Variants in GRIK1 observed in about 807,000 individuals in gnomAD.
GRIK1 encodes glutamate ionotropic receptor kainate type subunit 1.
Under a neutral mutation model 105.7 loss-of-function variants are expected in GRIK1, and 69 were observed. That is an observed-to-expected ratio of 0.65 (90% CI 0.54 to 0.80). The LOEUF (loss-of-function observed/expected upper bound fraction) is 0.80, where lower values mean the gene tolerates loss of function less well. Ranked by LOEUF, GRIK1 falls within the 30% of genes least tolerant of loss-of-function variation. GRIK1 has a pLI of 0.00. For synonymous variants in GRIK1, 438 were observed against 431.3 expected, an observed-to-expected ratio of 1.02 and a Z score of -0.19; for missense variants, 1,109 against 1,167.3, an observed-to-expected ratio of 0.95 and a Z score of 0.73.
chr21:29,758,610 G>A (rs56303531), intron 1 of GRIK1, among the ~76,000 whole-genome samples: 6,447 of 152,200 alleles, frequency 0.042, 197 homozygotes, highest in Non-Finnish European at 0.066. Flanking sequence ...AACAAAATAA[G>A]GTCAAGTCAT....
intron 1 of GRIK1, among the ~76,000 whole-genome samples, chr21:29,728,755 G>A (rs558743090): frequency 9.2e-5 from 14 of 152,282 alleles, no homozygotes; most frequent in Non-Finnish European, 1.8e-4. Context: ...TCATAGAGCT[G>A]TAGTCTAGCA....
intron 14 of GRIK1, among the ~76,000 whole-genome samples, chr21:29,575,100 CTAGA>C (rs1352312188): frequency 2.0e-5 from 3 of 152,120 alleles, no homozygotes; most frequent in Non-Finnish European, 4.4e-5. Flanking sequence ...TGATAAAACT[CTAGA>C]TATAGTTAAC....
At chr21:29,788,355 C>G (rs2066318430) in intron 1 of GRIK1, among the ~76,000 whole-genome samples, 1 of 152,150 alleles carries the variant, frequency 6.6e-6, no homozygotes, top group South Asian at 2.1e-4. Context: ...AGAAAGCATT[C>G]AGGCAGAGGA....
intron 15 of GRIK1, among the ~76,000 whole-genome samples, chr21:29,560,302 T>TCTTTC (rs1568812377): frequency 5.7e-5 from 6 of 105,238 alleles, no homozygotes; most frequent in African/African-American, 2.2e-4. Context: ...TTTCTTTCTT[T>TCTTTC]CTTTCTTTCT....
intron 6 of GRIK1, among the ~76,000 whole-genome samples, chr21:29,644,812 T>C (rs568152014): frequency 1.8e-4 from 27 of 152,364 alleles, no homozygotes; most frequent in African/African-American, 6.3e-4. Flanking sequence ...GGAAATGCAG[T>C]CAACAGCAAT....
intron 1 of GRIK1, among the ~76,000 whole-genome samples, chr21:29,795,027 A>ATTTTTTTTTTTT (rs1569102231): frequency 1.2e-5 from 1 of 82,152 alleles, no homozygotes; most frequent in Non-Finnish European, 2.4e-5. Flanking sequence ...CTTTGCTCTA[A>ATTTTTTTTTTTT]ATTTTTTTTT....
chr21:29,641,215 G>A lies in GRIK1; in HGVS notation c.1098+1611C>T, dbSNP rs112306364. On this transcript the variant is annotated intron_variant, in intron 7 of 17. Transcript: ENST00000327783. ...TGTGTCCCCACCCAAATCTCATCTC[G>A]AATTGTAGCTCCCACAATTCCCATG... Among the ~76,000 whole-genome samples the A allele has an allele frequency of 1.9e-3, 294 of 152,232 alleles. 2 individuals are homozygous for A. Among genetic ancestry groups the A allele is most frequent in the African/African-American group, 6.6e-3 (275 of 41,528 alleles).
At chr21:29,880,283 T>C (rs1449034046) in intron 1 of GRIK1, among the ~76,000 whole-genome samples, 1 of 152,142 alleles carries the variant, frequency 6.6e-6, no homozygotes, top group African/African-American at 2.4e-5. Flanking sequence ...TAGAAAAATC[T>C]TTACCAACTC....
At chr21:29,741,402 G>C (rs2064923582) in intron 1 of GRIK1, among the ~76,000 whole-genome samples, 1 of 151,988 alleles carries the variant, frequency 6.6e-6, no homozygotes, top group Non-Finnish European at 1.5e-5. Context: ...TTTTAAAAGG[G>C]AACAAACTGT....
At chr21:29,565,706 T>C (rs1290029256) in intron 14 of GRIK1, among the ~76,000 whole-genome samples, 1 of 152,234 alleles carries the variant, frequency 6.6e-6, no homozygotes, top group Non-Finnish European at 1.5e-5. Context: ...AGTGCTGGGA[T>C]TATAGGCATG....
At position 29,560,468 on chromosome 21, in the gene GRIK1, C is replaced by G. The variant is rs192400035; in HGVS notation, c.2356+1156G>C. Among the ~76,000 whole-genome samples the G allele has an allele frequency of 1.4e-4, 16 of 117,634 alleles. 2 individuals are homozygous for G. The East Asian group carries it at 3.5e-3, about 25-fold the overall frequency. The allele number at this position is 117,634 out of a possible 152,430, so 77.2% of individuals were successfully genotyped here. A position where few individuals can be genotyped will look rare whatever the true frequency, so the allele number is the denominator to read the frequency against. On this transcript the variant is annotated intron_variant, in intron 15 of 17. Transcript: ENST00000327783. ...CTTTCTCCCTTTCTTTCCTTCCTTTCCTTTCTCTCTCTCCCTTTCTTTCTT... is the reference window on the plus strand; with the variant it reads ...CTTTCTCCCTTTCTTTCCTTCCTTTGCTTTCTCTCTCTCCCTTTCTTTCTT...
chr21:29,610,344 C>G (rs1271217513), intron 7 of GRIK1, among the ~76,000 whole-genome samples: 3 of 152,034 alleles, frequency 2.0e-5, no homozygotes, highest in Admixed American at 2.0e-4. Flanking sequence ...AGTTAAGGAT[C>G]TTAAAGTGGG....
chr21:29,761,484 C>T (rs896616283), intron 1 of GRIK1: 4 of 151,646 alleles, frequency 2.6e-5, no homozygotes, highest in East Asian at 3.9e-4. Flanking sequence ...AAGAAAAGAT[C>T]GAATATTACT....
intron 7 of GRIK1, among the ~76,000 whole-genome samples, 173 bp from the exon 8 acceptor site, chr21:29,599,110 T>C (rs528781809): frequency 1.3e-5 from 2 of 152,374 alleles, no homozygotes; most frequent in South Asian, 2.1e-4. Flanking sequence ...ATCGTCTTTT[T>C]ATTAGCACTC....
intron 1 of GRIK1, among the ~76,000 whole-genome samples, chr21:29,858,189 G>C (rs578149485): frequency 6.6e-6 from 1 of 152,136 alleles, no homozygotes; most frequent in African/African-American, 2.4e-5. Context: ...ATGAGCCACT[G>C]TGCCTGGCCT....
chr21:29,788,560 A>G (rs745385166), intron 1 of GRIK1, among the ~76,000 whole-genome samples: 5 of 152,202 alleles, frequency 3.3e-5, no homozygotes, highest in African/African-American at 1.2e-4. Flanking sequence ...TAATTTTTGC[A>G]TGGACCAAGG....
At chr21:29,734,388 T>C (rs2064723270) in intron 1 of GRIK1, among the ~76,000 whole-genome samples, 1 of 94,900 alleles carries the variant, frequency 1.1e-5, no homozygotes, top group Non-Finnish European at 2.3e-5. Flanking sequence ...TTTCTTTTCT[T>C]TTCTTTTCTT....
chr21:29,856,420 A>G (rs2068466576), intron 1 of GRIK1, among the ~76,000 whole-genome samples: 1 of 152,232 alleles, frequency 6.6e-6, no homozygotes, highest in South Asian at 2.1e-4. Flanking sequence ...TGATAATTAC[A>G]AAGTCTCTCA....
intron 1 of GRIK1, among the ~76,000 whole-genome samples, chr21:29,776,721 C>G (rs1048842470): frequency 6.6e-6 from 1 of 152,154 alleles, no homozygotes; most frequent in Non-Finnish European, 1.5e-5. Context: ...ATGACCTAAA[C>G]AAGCAAATGT....
Sources: gnomAD v4.1 joint callset for allele counts (sites outside exome capture counted in the v4.1 genomes callset) on GRCh38, gnomAD v4.1.1 for gene constraint, MANE v1.5 for transcripts, NCBI Gene and HGNC (gene_info 2026-07-23, HGNC 2026-07-21) for gene names.